The following AKR1C4 variants were observed in gnomAD, a reference collection of about 807,000 sequenced individuals.
The protein encoded by AKR1C4 is aldo-keto reductase family 1 member C4.
AKR1C4 carries 44 observed loss-of-function variants against 41.0 expected under a neutral mutation model. The observed-to-expected ratio is 1.07, with a 90% CI of 0.84 to 1.38. The LOEUF (loss-of-function observed/expected upper bound fraction) is 1.38, where lower values mean the gene tolerates loss of function less well. AKR1C4 is among the 40% of genes most tolerant of loss of function. The pLI, the probability that AKR1C4 is intolerant of heterozygous loss-of-function variation, is 0.00. For synonymous variants in AKR1C4, 165 were observed against 137.7 expected (o/e 1.20, Z -1.39); for missense variants, 438 against 387.9 (o/e 1.13, Z -1.09).
intron 2 of AKR1C4, among the ~76,000 whole-genome samples, chr10:5,200,978 A>T (rs1832392553): frequency 6.6e-6 from 1 of 152,186 alleles, no homozygotes; most frequent in Non-Finnish European, 1.5e-5. Flanking sequence ...GTATATATAT[A>T]TATACCACAT....
chr10:5,198,451 T>A (rs1204164293), intron 1 of AKR1C4, among the ~76,000 whole-genome samples: 1 of 152,200 alleles, frequency 6.6e-6, no homozygotes, highest in Non-Finnish European at 1.5e-5. Context: ...TATACCTGCT[T>A]TCTTTACAAG....
intron 8 of AKR1C4, 125 bp from the exon 9 acceptor site, chr10:5,218,593 A>C: frequency 1.4e-6 from 1 of 701,720 alleles, no homozygotes; most frequent in Middle Eastern, 2.4e-4. Context: ...GACATTCTAC[A>C]AATAGTCCGA....
In AKR1C4 at chr10:5,204,504, T is replaced by G; in HGVS notation, c.369+11T>G. ...CCAATGGCTCTCAAGGTAGGGAATTTGTGAGATCAACTTCTCTTCTGTTCT... is the reference window on the plus strand; with the variant it reads ...CCAATGGCTCTCAAGGTAGGGAATTGGTGAGATCAACTTCTCTTCTGTTCT... On this transcript the variant is annotated intron_variant, in intron 3 of 8. Coordinates refer to ENST00000263126, the MANE Select transcript of AKR1C4 (RefSeq NM_001818.5). 1 of 1,567,318 alleles carries G rather than the reference T, an allele frequency of 6.4e-7. No homozygotes were observed.
At chr10:5,201,633 G>A (rs1489727383) in intron 2 of AKR1C4, among the ~76,000 whole-genome samples, 1 of 151,982 alleles carries the variant, frequency 6.6e-6, no homozygotes, top group Non-Finnish European at 1.5e-5. Context: ...TTTGCTTTTT[G>A]TGCATTTGCA....
At chr10:5,206,242 A>G in intron 4 of AKR1C4, 33 bp from the exon 5 acceptor site, 2 of 1,613,782 alleles carry the variant, frequency 1.2e-6, no homozygotes, top group Admixed American at 1.7e-5. Flanking sequence ...AGCCAACTGC[A>G]CAAATAATTC....
chr10:5,202,656 T>C (rs1481217633), intron 2 of AKR1C4, among the ~76,000 whole-genome samples: 1 of 152,146 alleles, frequency 6.6e-6, no homozygotes, highest in Non-Finnish European at 1.5e-5. Context: ...ATATATGCAT[T>C]TTATGCCTAG....
rs782615208 is a variant in AKR1C4 at position 5,206,307 on chromosome 10, C to CA, written c.482dup (p.Ser162ValfsTer64). On this transcript the variant is annotated frameshift_variant, in exon 5 of 9. Coordinates refer to ENST00000263126, the MANE Select transcript of AKR1C4 (RefSeq NM_001818.5). LOFTEE classifies it high-confidence loss of function. ...AGAAGTGTAAGGATGCAGGATTGGC[C>CA]AAGTCCATCGGGGTGTCAAACTTCA... 1 of 1,614,062 alleles carries CA rather than the reference C, an allele frequency of 6.2e-7. No homozygotes were observed. The highest frequency in any genetic ancestry group is 8.5e-7 in the Non-Finnish European group (1 of 1,179,978).
chr10:5,218,920 C>A lies in AKR1C4; in HGVS notation c.*160C>A. Reference sequence around the variant, plus strand: ...CTAGATATATCCATGGTCCAGAAAGCAAACATAATAAATTTTTATCTTGAA... The same window carrying A: ...CTAGATATATCCATGGTCCAGAAAGAAAACATAATAAATTTTTATCTTGAA... On this transcript the variant is annotated 3_prime_UTR_variant, in exon 9 of 9. Coordinates refer to ENST00000263126, the MANE Select transcript of AKR1C4 (RefSeq NM_001818.5). The A allele has an allele frequency of 3.8e-6, 2 of 527,864 alleles. No homozygotes were observed. The highest frequency in any genetic ancestry group is 3.1e-5 in the East Asian group (1 of 32,240). 32.7% of individuals were successfully genotyped at this position (527,864 alleles called of 1,614,324 possible). A position where few individuals can be genotyped will look rare whatever the true frequency, so the allele number is the denominator to read the frequency against.
intron 8 of AKR1C4, 120 bp from the exon 9 acceptor site, chr10:5,218,598 G>A: frequency 1.1e-5 from 7 of 660,604 alleles, no homozygotes; most frequent in East Asian, 3.0e-5. Context: ...TCTACAAATA[G>A]TCCGAAAATA....
chr10:5,215,466 C>A (rs1352204056), intron 7 of AKR1C4, among the ~76,000 whole-genome samples: 1 of 152,174 alleles, frequency 6.6e-6, no homozygotes, highest in Admixed American at 6.5e-5. Flanking sequence ...AAAAGCATAG[C>A]ACCAGCATCT....
rs986584843 is a variant in AKR1C4 at position 5,216,784 on chromosome 10, T to C, written c.920T>C (p.Val307Ala). ...CTAAACAGAAATTATCGATATGTTG[T>C]CATGGATTTGTAAGTAACTTTGGAA... ...DGLNRNYRYVVMDFLMDHPDY... is the reference protein window; with the variant it reads ...DGLNRNYRYVAMDFLMDHPDY... The change falls in exon 8 of 9, where the codon GTC becomes GCC. Residue 307 changes from valine (V) to alanine (A), a missense_variant. Coordinates refer to ENST00000263126, the MANE Select transcript of AKR1C4 (RefSeq NM_001818.5). 2 of 1,607,740 alleles carry C rather than the reference T, an allele frequency of 1.2e-6. No homozygotes were observed. Among genetic ancestry groups the C allele is most frequent in the Non-Finnish European group, 1.7e-6 (2 of 1,175,786 alleles).
chr10:5,211,456 C>T (rs1832574340), intron 5 of AKR1C4, among the ~76,000 whole-genome samples: 1 of 151,714 alleles, frequency 6.6e-6, no homozygotes, highest in African/African-American at 2.4e-5. Context: ...TTCCACACAT[C>T]TCTAGGGCAG....
chr10:5,203,233 G>A (rs74827952), intron 2 of AKR1C4, among the ~76,000 whole-genome samples: 22,267 of 151,940 alleles, frequency 0.15, 1,708 homozygotes, highest in Admixed American at 0.18. Context: ...TTCTGGCCAA[G>A]GGGGCTCATT....
Position 5,200,359 on chromosome 10 carries a change from TATG to T in AKR1C4, c.252+16_252+18del, listed in dbSNP as rs1832380981. 2 of 1,609,616 alleles carry T rather than the reference TATG, an allele frequency of 1.2e-6. No individual in the cohort carries two copies. Among genetic ancestry groups the T allele is most frequent in the Non-Finnish European group, 1.7e-6 (2 of 1,177,750 alleles). ...TTCTACACTTCAAAGGTACTGTGCCTATGATGAGCATGTATGCACATGTGTTTA... is the reference window on the plus strand; with the variant it reads ...TTCTACACTTCAAAGGTACTGTGCCTATGAGCATGTATGCACATGTGTTTA... On this transcript the variant is annotated intron_variant, in intron 2 of 8. Transcript: ENST00000263126.
At chr10:5,200,014 C>A (rs151291914) in intron 1 of AKR1C4, among the ~76,000 whole-genome samples, 167 bp from the exon 2 acceptor site, 69 of 152,314 alleles carry the variant, frequency 4.5e-4, no homozygotes, top group African/African-American at 1.6e-3. Context: ...GTCATAGTCC[C>A]ACAACCTGCC....
intron 5 of AKR1C4, among the ~76,000 whole-genome samples, chr10:5,208,709 A>T (rs1376737537): frequency 6.6e-6 from 1 of 151,506 alleles, no homozygotes; most frequent in Non-Finnish European, 1.5e-5. Context: ...TTATCCAGTC[A>T]GTATTCATAT....
At chr10:5,199,284 T>C (rs1832360066) in intron 1 of AKR1C4, among the ~76,000 whole-genome samples, 1 of 152,140 alleles carries the variant, frequency 6.6e-6, no homozygotes, top group African/African-American at 2.4e-5. Flanking sequence ...CCTGAACTAC[T>C]GATAGGGATG....
chr10:5,201,437 C>T (rs568760869), intron 2 of AKR1C4, among the ~76,000 whole-genome samples: 29 of 152,234 alleles, frequency 1.9e-4, no homozygotes, highest in African/African-American at 7.0e-4. Flanking sequence ...TATTTGCCCA[C>T]TTTTCAACAG....
intron 4 of AKR1C4, 103 bp from the exon 5 acceptor site, chr10:5,206,172 A>T (rs1326815689): frequency 1.3e-6 from 2 of 1,550,642 alleles, no homozygotes; most frequent in Middle Eastern, 2.3e-4. Context: ...TGCTATTTTC[A>T]TTGTCATATC....
Sources: allele counts gnomAD v4.1 joint callset (sites outside exome capture counted in the v4.1 genomes callset), GRCh38; gene constraint gnomAD v4.1.1; transcripts MANE v1.5; gene names NCBI Gene and HGNC (gene_info 2026-07-23, HGNC 2026-07-21).